The following DSC3 variants were observed in gnomAD, a reference collection of about 807,000 sequenced individuals.
DSC3 encodes the protein desmocollin-3.
In DSC3, 97 loss-of-function variants were observed where a neutral mutation model predicts 89.5. That is an observed-to-expected ratio of 1.08 (90% CI 0.92 to 1.28). DSC3 has a LOEUF of 1.28. DSC3 is among the 50% of genes most tolerant of loss of function. The pLI is 0.00. For missense variants in DSC3, 1,199 were observed against 1,085.3 expected, an observed-to-expected ratio of 1.10 and a Z score of -1.47; for synonymous variants, 436 against 384.1, an observed-to-expected ratio of 1.14 and a Z score of -1.58.
intron 11 of DSC3, 39 bp downstream of exon 11, chr18:31,007,977 A>G: frequency 6.5e-7 from 1 of 1,537,154 alleles, no homozygotes; most frequent in Non-Finnish European, 9.0e-7. Flanking sequence ...TTATTCTCTA[A>G]TTCCTTTATA....
At position 30,996,883 on chromosome 18, in the gene DSC3, G is replaced by A. The variant is rs770259525; in HGVS notation, c.2401C>T (p.Leu801=). The A allele has an allele frequency of 1.3e-5, 21 of 1,613,734 alleles. No homozygotes were observed. The highest frequency in any genetic ancestry group is 1.8e-5 in the Non-Finnish European group (21 of 1,180,006). Residue 801 remains leucine (L), a synonymous_variant, in exon 15 of 16, where the codon CTG becomes TTG. Coordinates refer to ENST00000360428, the MANE Select transcript of DSC3 (RefSeq NM_001941.5). Reference sequence around the variant, plus strand: ...GTGTGTCCTCCCCTGCAGGAGTCCAGGGTATGATGATGCCCAGCCCCCCGG... The same window carrying A: ...GTGTGTCCTCCCCTGCAGGAGTCCAAGGTATGATGATGCCCAGCCCCCCGG... ...SCRGAGHHHT[L]DSCRGGHTEV... is the part of the protein sequence containing the mutation.
At chr18:31,015,075 A>C (rs1279032808) in intron 9 of DSC3, among the ~76,000 whole-genome samples, 1 of 152,226 alleles carries the variant, frequency 6.6e-6, no homozygotes. Flanking sequence ...GCTACTTTTA[A>C]AATTCTAAAA....
chr18:30,994,280 AC>A lies in DSC3; in HGVS notation c.2585del (p.Gly862ValfsTer18), dbSNP rs1382756747. 6.2e-7 allele frequency: 1 copy of A among 1,614,100 alleles called. No homozygotes were observed. The highest frequency in any genetic ancestry group is 8.5e-7 in the Non-Finnish European group (1 of 1,179,990). On this transcript the variant is annotated frameshift_variant, in exon 16 of 16. Coordinates refer to ENST00000360428, the MANE Select transcript of DSC3 (RefSeq NM_001941.5). LOFTEE classifies it high-confidence loss of function. ...GCTTTTCACTGCAGCAGCCCACAGA[AC>A]CAGCTGGAGATCCTCTTCCCTCATA... ...YNYEGRGSPA[G>X]SVGCCSEKQE...
intron 9 of DSC3, among the ~76,000 whole-genome samples, chr18:31,014,808 A>C (rs1191881092): frequency 6.6e-6 from 1 of 152,120 alleles, no homozygotes; most frequent in Non-Finnish European, 1.5e-5. Flanking sequence ...CAGTAATGGA[A>C]AGATAATTAA....
chr18:31,004,160 C>G lies in DSC3; in HGVS notation c.2095G>C (p.Gly699Arg). 1 of 1,612,004 alleles carries G rather than the reference C, an allele frequency of 6.2e-7. No homozygotes were observed. The highest frequency in any genetic ancestry group is 8.5e-7 in the Non-Finnish European group (1 of 1,178,214). Residue 699 changes from glycine (G) to arginine (R), a missense_variant, in exon 13 of 16, where the codon GGT (glycine) becomes CGT (arginine). Gly to Arg is a moderately radical substitution (Grantham distance 125). Coordinates refer to ENST00000360428, the MANE Select transcript of DSC3 (RefSeq NM_001941.5). ...TACTTACAAAAGAGCAGTGCTATAC[C>G]CAGTAATATTGCAAGGATTGCCCAT... ...GKWAILAILL[G>R]IALLFSVLLT...
At position 31,022,460 on chromosome 18, in the gene DSC3, G is replaced by A. The variant is rs140619883; in HGVS notation, c.818C>T (p.Pro273Leu). ...TTTCAGGCGCGTATGCATTGTGTCC[G>A]GTTCATCTCTGTCTGTGGCACAAAC... ...GVVCATDRDE[P>L]DTMHTRLKYS... The change falls in exon 7 of 16, where the codon CCG becomes CTG. Residue 273 changes from proline (P) to leucine (L), a missense_variant. Coordinates refer to ENST00000360428, the MANE Select transcript of DSC3 (RefSeq NM_001941.5). The A allele has an allele frequency of 2.0e-5, 32 of 1,613,924 alleles. No individual in the cohort carries two copies. In the East Asian group the frequency reaches 2.2e-4, roughly 11 times the overall value.
At position 31,008,359 on chromosome 18, in the gene DSC3, T is replaced by C. The variant is rs769268697; in HGVS notation, c.1430A>G (p.Tyr477Cys). The C allele has an allele frequency of 1.2e-5, 20 of 1,614,114 alleles. No homozygotes were observed. In the East Asian group the frequency reaches 4.0e-4, roughly 32 times the overall value. The part of the protein sequence containing the change: ...EGPECTPAAQ[Y>C]VRIKENLAVG... ...TGCTAAGTTTTCTTTAATCCGCACA[T>C]ATTGGGCTGCAGGAGTGCATTCAGG... is the stretch of plus-strand genomic sequence containing the variant. Residue 477 changes from tyrosine (Y) to cysteine (C), a missense_variant, in exon 10 of 16, where the codon TAT (tyrosine) becomes TGT (cysteine). Tyr to Cys is a radical substitution (Grantham distance 194). Transcript: ENST00000360428.
chr18:31,015,351 T>G (rs1431567605), intron 9 of DSC3, among the ~76,000 whole-genome samples: 1 of 152,184 alleles, frequency 6.6e-6, no homozygotes, highest in Admixed American at 6.5e-5. Context: ...TGAGAAATAT[T>G]CTATGATATA....
intron 1 of DSC3, among the ~76,000 whole-genome samples, chr18:31,032,580 G>T (rs1985831824): frequency 1.6e-5 from 2 of 127,800 alleles, no homozygotes; most frequent in African/African-American, 6.7e-5. Context: ...GTGTGTGTGT[G>T]TGTGTGTGTG....
intron 3 of DSC3, among the ~76,000 whole-genome samples, chr18:31,030,323 AT>A (rs1268206044): frequency 6.6e-6 from 1 of 152,236 alleles, no homozygotes; most frequent in Non-Finnish European, 1.5e-5. Flanking sequence ...TTTCATAAGA[AT>A]TAATTAATAA....
rs143558095 is a variant in DSC3, at chr18:31,030,972, C to T, written c.354+1G>A. The T allele has an allele frequency of 1.9e-6, 3 of 1,612,394 alleles. No individual in the cohort carries two copies. Among genetic ancestry groups the T allele is most frequent in the African/African-American group, 1.3e-5 (1 of 74,824 alleles). On this transcript the variant is annotated splice_donor_variant, in intron 3 of 15. Transcript: ENST00000360428. LOFTEE classifies it high-confidence loss of function. ...GAAAATATTTAATGTACTTTAAATA[C>T]CTTCTTCTGATGTTCTAGCAGCACA...
chr18:31,030,446 C>A (rs1027226779), intron 3 of DSC3, among the ~76,000 whole-genome samples: 1 of 152,174 alleles, frequency 6.6e-6, no homozygotes. Flanking sequence ...CATTTTGTGA[C>A]TACTTTCATA....
chr18:31,002,016 G>GA (rs964677840), intron 13 of DSC3, among the ~76,000 whole-genome samples: 2 of 151,372 alleles, frequency 1.3e-5, no homozygotes, highest in African/African-American at 4.9e-5. Flanking sequence ...AGTACATAAA[G>GA]AAAAAAAATC....
rs532793179 is a variant in DSC3 at position 31,032,072 on chromosome 18, G to C, written c.154+120C>G. The C allele has an allele frequency of 2.3e-4, 167 of 723,384 alleles. 2 individuals are homozygous for C. The South Asian group carries it at 2.5e-3, about 11-fold the overall frequency. 44.8% of individuals were successfully genotyped at this position (723,384 alleles called of 1,614,324 possible). A position where few individuals can be genotyped will look rare whatever the true frequency, so the allele number is the denominator to read the frequency against. ...ATGATAACTTCTGGTTTACTCCCTG[G>C]AGGAACATCCCTTTTTAGTAGATTC... is the stretch of plus-strand genomic sequence containing the variant. On this transcript the variant is annotated intron_variant, in intron 2 of 15. Coordinates refer to ENST00000360428, the MANE Select transcript of DSC3 (RefSeq NM_001941.5).
intron 4 of DSC3, among the ~76,000 whole-genome samples, chr18:31,027,466 T>TCCTTCCTC (rs36022125): frequency 6.7e-6 from 1 of 148,472 alleles, no homozygotes; most frequent in Non-Finnish European, 1.5e-5. Flanking sequence ...TGCATTGGTT[T>TCCTTCCTC]CCTTCCTTCC....
intron 1 of DSC3, among the ~76,000 whole-genome samples, chr18:31,042,035 T>C (rs1328274018): frequency 6.6e-6 from 1 of 152,026 alleles, no homozygotes; most frequent in Non-Finnish European, 1.5e-5. Context: ...GGTGAGCTTC[T>C]GAATACCCTT....
At chr18:30,998,932 A>G (rs1216676775) in intron 14 of DSC3, among the ~76,000 whole-genome samples, 1 of 150,670 alleles carries the variant, frequency 6.6e-6, no homozygotes, top group Non-Finnish European at 1.5e-5. Context: ...AGTATTATAG[A>G]GAAATCAAAT....
intron 8 of DSC3, 94 bp downstream of exon 8, chr18:31,018,572 A>G: frequency 7.6e-7 from 1 of 1,307,416 alleles, no homozygotes; most frequent in Non-Finnish European, 1.1e-6. Flanking sequence ...ACGTCAAAGT[A>G]TGATACTTCA....
intron 1 of DSC3, among the ~76,000 whole-genome samples, chr18:31,037,966 A>G (rs1986025126): frequency 2.6e-5 from 4 of 152,080 alleles, no homozygotes; most frequent in Admixed American, 1.3e-4. Context: ...TTTGAAATGA[A>G]ATGTTTCCAC....
Sources: allele counts gnomAD v4.1 joint callset (sites outside exome capture counted in the v4.1 genomes callset), GRCh38; gene constraint gnomAD v4.1.1; transcripts MANE v1.5; gene names NCBI Gene and HGNC (gene_info 2026-07-23, HGNC 2026-07-21).